Variants in NRF1 observed in about 807,000 individuals in gnomAD.
NRF1 encodes the protein nuclear respiratory factor 1.
Under a neutral mutation model 58.5 loss-of-function variants are expected in NRF1, and 5 were observed. The ratio of observed to expected loss-of-function variants is 0.09; its 90% confidence interval spans 0.04 to 0.18. The LOEUF is 0.18. Ranked by LOEUF, NRF1 falls within the 10% of genes least tolerant of loss-of-function variation. The pLI is 1.00. For missense variants in NRF1, 288 were observed against 657.7 expected, an observed-to-expected ratio of 0.44 and a Z score of 6.15; for synonymous variants, 224 against 246.7, an observed-to-expected ratio of 0.91 and a Z score of 0.86.
chr7:129,615,488 T>G (rs1449746148), intron 1 of NRF1, among the ~76,000 whole-genome samples: 1 of 152,232 alleles, frequency 6.6e-6, no homozygotes, highest in African/African-American at 2.4e-5. Context: ...ATGCAAATCT[T>G]TGATTTTGTA....
At chr7:129,663,533 T>TGGC (rs1289472088) in intron 2 of NRF1, among the ~76,000 whole-genome samples, 1 of 146,518 alleles carries the variant, frequency 6.8e-6, no homozygotes, top group South Asian at 2.2e-4. Context: ...CCAGACGGGG[T>TGGC]GGCCGGGCAG....
intron 1 of NRF1, among the ~76,000 whole-genome samples, chr7:129,640,529 T>C (rs1801266602): frequency 6.6e-6 from 1 of 151,966 alleles, no homozygotes; most frequent in East Asian, 1.9e-4. Flanking sequence ...AAAACCCAAA[T>C]TTACCGTACC....
intron 9 of NRF1, among the ~76,000 whole-genome samples, chr7:129,717,952 A>G (rs1803230191): frequency 6.6e-6 from 1 of 152,210 alleles, no homozygotes; most frequent in Admixed American, 6.5e-5. Flanking sequence ...GGCTGATTTT[A>G]CTTGCTTTTG....
chr7:129,616,461 A>G (rs1345652368), intron 1 of NRF1, among the ~76,000 whole-genome samples: 1 of 152,172 alleles, frequency 6.6e-6, no homozygotes, highest in Non-Finnish European at 1.5e-5. Context: ...CTAGCTGGGT[A>G]TGGTGGCATA....
At chr7:129,654,022 A>G (rs1801597050) in intron 1 of NRF1, among the ~76,000 whole-genome samples, 1 of 152,220 alleles carries the variant, frequency 6.6e-6, no homozygotes, top group Admixed American at 6.5e-5. Context: ...TGGTAAGAGT[A>G]TGTTTAATTT....
intron 2 of NRF1, among the ~76,000 whole-genome samples, chr7:129,670,122 A>G (rs1033730056): frequency 1.3e-5 from 2 of 152,248 alleles, no homozygotes; most frequent in Non-Finnish European, 2.9e-5. Flanking sequence ...GATTCTACTT[A>G]TAGAAGGTAT....
chr7:129,673,687 C>T (rs1385122957), intron 3 of NRF1, among the ~76,000 whole-genome samples: 4 of 129,940 alleles, frequency 3.1e-5, no homozygotes, highest in Admixed American at 8.6e-5. Flanking sequence ...ACAGCACTCC[C>T]GCCTGGGCGA....
intron 2 of NRF1, among the ~76,000 whole-genome samples, chr7:129,660,269 G>A (rs1316595337): frequency 6.7e-6 from 1 of 149,336 alleles, no homozygotes; most frequent in East Asian, 1.9e-4. Flanking sequence ...GGGACATAGA[G>A]CCAAACCATA....
At chr7:129,732,849 G>A (rs911697394) in intron 10 of NRF1, among the ~76,000 whole-genome samples, 11 of 152,228 alleles carry the variant, frequency 7.2e-5, no homozygotes, top group African/African-American at 4.8e-5. Flanking sequence ...TGATCTGCCC[G>A]CCTCAGCCTC....
At chr7:129,674,772 T>C (rs1249630066) in intron 3 of NRF1, among the ~76,000 whole-genome samples, 1 of 152,208 alleles carries the variant, frequency 6.6e-6, no homozygotes, top group East Asian at 1.9e-4. Flanking sequence ...TTAGGGCTCA[T>C]CTGAGCCTGC....
chr7:129,639,844 T>A (rs981432153), intron 1 of NRF1, among the ~76,000 whole-genome samples: 2 of 152,156 alleles, frequency 1.3e-5, no homozygotes, highest in African/African-American at 4.8e-5. Flanking sequence ...CACTGCGCTC[T>A]TCCGCCCCCC....
intron 10 of NRF1, among the ~76,000 whole-genome samples, chr7:129,730,859 C>A (rs570538166): frequency 1.2e-3 from 178 of 152,088 alleles, no homozygotes; most frequent in African/African-American, 4.2e-3. Context: ...CACCTGTAGT[C>A]CCAGCTACTT....
chr7:129,629,762 T>C (rs1160523629), intron 1 of NRF1, among the ~76,000 whole-genome samples: 3 of 152,228 alleles, frequency 2.0e-5, no homozygotes, highest in Non-Finnish European at 4.4e-5. Context: ...CATTCTTAAA[T>C]AAAATGGACT....
chr7:129,705,825 C>G (rs1802936591), intron 5 of NRF1, among the ~76,000 whole-genome samples: 1 of 151,986 alleles, frequency 6.6e-6, no homozygotes, highest in South Asian at 2.1e-4. Context: ...CGCCTTTAGT[C>G]CCAACTACTG....
At chr7:129,621,927 C>T (rs2151056704) in intron 1 of NRF1, among the ~76,000 whole-genome samples, 1 of 151,808 alleles carries the variant, frequency 6.6e-6, no homozygotes, top group African/African-American at 2.4e-5. Context: ...GGATTACAGG[C>T]ACCCGCCACC....
intron 1 of NRF1, among the ~76,000 whole-genome samples, chr7:129,616,433 A>C (rs1392802579): frequency 6.6e-6 from 1 of 152,166 alleles, no homozygotes; most frequent in Non-Finnish European, 1.5e-5. Context: ...ATATTTAAAA[A>C]AACAAAAAAA....
intron 10 of NRF1, among the ~76,000 whole-genome samples, chr7:129,728,486 A>C (rs1803502998): frequency 1.5e-5 from 2 of 129,502 alleles, no homozygotes; most frequent in Non-Finnish European, 3.4e-5. Context: ...AAAAAAAAAA[A>C]AAAAAAAACC....
At position 129,659,118 on chromosome 7, in the gene NRF1, G is replaced by A. The variant is rs1173064034; in HGVS notation, c.223+1544G>A. On this transcript the variant is annotated intron_variant, in intron 2 of 10. Transcript: ENST00000393232. ...TTTTGAGATGGAGTCTCACTCTGTC[G>A]CCCAGGCTGGAGTGCAGTGGCACAA... Among the ~76,000 whole-genome samples, 5 of 122,924 alleles carry A rather than the reference G, an allele frequency of 4.1e-5. No individual in the cohort carries two copies. In the East Asian group the frequency reaches 1.4e-3, roughly 33 times the overall value. 80.6% of individuals were successfully genotyped at this position (122,924 alleles called of 152,430 possible).
At chr7:129,728,468 CAAAAAAAAAAAAAAA>C (rs60777041) in intron 10 of NRF1, among the ~76,000 whole-genome samples, 46 of 96,428 alleles carry the variant, frequency 4.8e-4, no homozygotes, top group Middle Eastern at 6.5e-3. Flanking sequence ...GACTCCGTCT[CAAAAAAAAAAAAAAA>C]AAAAAAAAAA....
Sources: allele counts gnomAD v4.1 joint callset (sites outside exome capture counted in the v4.1 genomes callset), GRCh38; gene constraint gnomAD v4.1.1; transcripts MANE v1.5; gene names NCBI Gene and HGNC (gene_info 2026-07-23, HGNC 2026-07-21).